The following MSRA variants were observed in gnomAD, a reference collection of about 807,000 sequenced individuals.
The protein encoded by MSRA is methionine sulfoxide reductase A.
In MSRA, 54 loss-of-function variants were observed where a neutral mutation model predicts 31.3. The observed-to-expected ratio is 1.73, with a 90% CI of 1.39 to 2.17. The LOEUF (loss-of-function observed/expected upper bound fraction) is 2.17. Ranked by LOEUF, MSRA falls within the 30% of genes most tolerant of loss-of-function variation. The probability of loss-of-function intolerance (pLI) is 0.00; values close to 1 mark genes in which losing one functional copy is unlikely to be tolerated. For missense variants in MSRA, 507 were observed against 300.9 expected, an observed-to-expected ratio of 1.69 and a Z score of -5.07; for synonymous variants, 169 against 116.5, an observed-to-expected ratio of 1.45 and a Z score of -2.90.
intron 5 of MSRA, among the ~76,000 whole-genome samples, chr8:10,344,170 A>G (rs752775988): frequency 6.6e-6 from 1 of 152,218 alleles, no homozygotes; most frequent in Non-Finnish European, 1.5e-5. Context: ...GGATTCTCAT[A>G]TCGTCCTTTG....
intron 1 of MSRA, among the ~76,000 whole-genome samples, chr8:10,072,317 T>C (rs2128918817): frequency 6.6e-6 from 1 of 152,294 alleles, no homozygotes; most frequent in East Asian, 1.9e-4. Flanking sequence ...TTTTTTTTTT[T>C]TTTGTCTATG....
intron 3 of MSRA, among the ~76,000 whole-genome samples, chr8:10,272,247 A>G (rs4240637): frequency 0.74 from 112,205 of 151,908 alleles, 41,680 homozygotes; most frequent in East Asian, 0.85. Context: ...TCTAGAGGTT[A>G]ATGTATTATA....
chr8:10,310,326 A>C (rs1437065255), intron 4 of MSRA, among the ~76,000 whole-genome samples: 1 of 152,244 alleles, frequency 6.6e-6, no homozygotes, highest in Non-Finnish European at 1.5e-5. Context: ...GAAACAGAGA[A>C]AAATGAAACA....
intron 1 of MSRA, among the ~76,000 whole-genome samples, chr8:10,187,765 C>G (rs1421607905): frequency 2.0e-5 from 3 of 152,190 alleles, no homozygotes; most frequent in African/African-American, 7.2e-5. Context: ...ATCATGTTAC[C>G]TGCCAGCAAG....
At chr8:10,136,905 G>A (rs1802323573) in intron 1 of MSRA, among the ~76,000 whole-genome samples, 1 of 152,224 alleles carries the variant, frequency 6.6e-6, no homozygotes, top group South Asian at 2.1e-4. Context: ...CCACCCTGCT[G>A]TCTGTCCAGC....
intron 5 of MSRA, among the ~76,000 whole-genome samples, chr8:10,364,238 G>C (rs1805029538): frequency 6.6e-6 from 1 of 152,168 alleles, no homozygotes; most frequent in Non-Finnish European, 1.5e-5. Context: ...AGTCATTTCG[G>C]ACTGTGGTGC....
rs149867812 is a variant in MSRA, at chr8:10,137,008, A to G, written c.143-70825A>G. Among the ~76,000 whole-genome samples the G allele has an allele frequency of 2.6e-3, 391 of 152,294 alleles. 1 individual carries two copies. Among genetic ancestry groups the G allele is most frequent in the African/African-American group, 9.2e-3 (381 of 41,560 alleles). The stretch of plus-strand genomic sequence containing the variant: ...GCCTCTTTACCATATAGATAGATCA[A>G]ATATATATTTTTGTCGAATTCTGCA... On this transcript the variant is annotated intron_variant, in intron 1 of 5. Coordinates refer to ENST00000317173, the MANE Select transcript of MSRA (RefSeq NM_012331.5).
chr8:10,191,083 A>AAT (rs1296932725), intron 1 of MSRA, among the ~76,000 whole-genome samples: 1 of 152,218 alleles, frequency 6.6e-6, no homozygotes, highest in African/African-American at 2.4e-5. Flanking sequence ...GAGGTCCTAT[A>AAT]ACCTTAAGCT....
At chr8:10,196,921 T>G (rs929985528) in intron 1 of MSRA, among the ~76,000 whole-genome samples, 1 of 152,168 alleles carries the variant, frequency 6.6e-6, no homozygotes, top group Non-Finnish European at 1.5e-5. Context: ...TGTATATGAC[T>G]CTTTATAGAT....
intron 1 of MSRA, among the ~76,000 whole-genome samples, chr8:10,065,603 C>T (rs1797416798): frequency 6.6e-6 from 1 of 152,300 alleles, no homozygotes; most frequent in South Asian, 2.1e-4. Flanking sequence ...CAAAGGATTT[C>T]TCTTAACGTA....
chr8:10,085,112 G>A (rs1205792599), intron 1 of MSRA, among the ~76,000 whole-genome samples: 1 of 152,118 alleles, frequency 6.6e-6, no homozygotes, highest in Non-Finnish European at 1.5e-5. Flanking sequence ...AATCTGTGAG[G>A]GGTGGGTGCT....
intron 2 of MSRA, among the ~76,000 whole-genome samples, chr8:10,227,783 T>C (rs1811124072): frequency 6.6e-6 from 1 of 152,184 alleles, no homozygotes; most frequent in South Asian, 2.1e-4. Flanking sequence ...AAAATATCAA[T>C]CAACCGCTAA....
intron 5 of MSRA, among the ~76,000 whole-genome samples, chr8:10,397,782 C>G (rs1807191357): frequency 6.6e-6 from 1 of 152,188 alleles, no homozygotes; most frequent in Admixed American, 6.5e-5. Flanking sequence ...TGGATTGGAG[C>G]TTTCTTTGAA....
intron 1 of MSRA, among the ~76,000 whole-genome samples, chr8:10,111,244 C>T (rs1800257976): frequency 6.6e-6 from 1 of 152,168 alleles, no homozygotes; most frequent in African/African-American, 2.4e-5. Context: ...TGATGTCAAA[C>T]AGGGTGCTGG....
At chr8:10,356,719 C>T (rs887372081) in intron 5 of MSRA, among the ~76,000 whole-genome samples, 5 of 152,038 alleles carry the variant, frequency 3.3e-5, no homozygotes, top group African/African-American at 4.8e-5. Context: ...GAGGCAGTCC[C>T]TCACCAGACA....
intron 4 of MSRA, among the ~76,000 whole-genome samples, chr8:10,318,477 G>C (rs573064636): frequency 6.6e-6 from 1 of 152,140 alleles, no homozygotes; most frequent in African/African-American, 2.4e-5. Context: ...TGACACACAC[G>C]AATTCTTTCT....
At position 10,054,505 on chromosome 8, in the gene MSRA, T is replaced by G. The variant is rs756463698; in HGVS notation, c.-12T>G. 2 of 1,568,802 alleles carry G rather than the reference T, an allele frequency of 1.3e-6. No individual in the cohort carries two copies. Among genetic ancestry groups the G allele is most frequent in the South Asian group, 2.3e-5 (2 of 87,428 alleles). ...CCGTCCCCCGGGACCACCCTTCGGC[T>G]GGCGCCCTCCCATGCTCTCGGCCAC... On this transcript the variant is annotated 5_prime_UTR_variant, in exon 1 of 6. Coordinates refer to ENST00000317173, the MANE Select transcript of MSRA (RefSeq NM_012331.5).
intron 5 of MSRA, among the ~76,000 whole-genome samples, chr8:10,360,007 C>G (rs908892997): frequency 1.1e-4 from 16 of 152,276 alleles, no homozygotes; most frequent in Admixed American, 3.3e-4. Context: ...TTATTTCTAT[C>G]TGCTCAATTT....
chr8:10,244,695 C>G (rs977403473), intron 2 of MSRA, among the ~76,000 whole-genome samples: 4 of 152,104 alleles, frequency 2.6e-5, no homozygotes, highest in Non-Finnish European at 5.9e-5. Context: ...TAACTTAGTG[C>G]TATACTTTGG....
Sources: gnomAD v4.1 joint callset for allele counts (sites outside exome capture counted in the v4.1 genomes callset) on GRCh38, gnomAD v4.1.1 for gene constraint, MANE v1.5 for transcripts, NCBI Gene and HGNC (gene_info 2026-07-23, HGNC 2026-07-21) for gene names.